Variants in EPHA3 observed in about 807,000 individuals in gnomAD.
The protein encoded by EPHA3 is ephrin type-A receptor 3.
A neutral mutation model predicts 107.1 loss-of-function variants in EPHA3; 42 were observed. That is an observed-to-expected ratio of 0.39 (90% CI 0.31 to 0.51). The LOEUF (loss-of-function observed/expected upper bound fraction) is 0.51, where lower values mean the gene tolerates loss of function less well. EPHA3 is among the 20% of genes least tolerant of loss of function. The probability of loss-of-function intolerance (pLI) is 0.78; values close to 1 mark genes in which losing one functional copy is unlikely to be tolerated. For synonymous variants in EPHA3, 461 were observed against 424.8 expected (o/e 1.09, Z -1.05); for missense variants, 1,183 against 1,211.2 (o/e 0.98, Z 0.35).
intron 3 of EPHA3, among the ~76,000 whole-genome samples, chr3:89,251,492 A>T (rs1345635060): frequency 6.6e-6 from 1 of 152,086 alleles, no homozygotes; most frequent in African/African-American, 2.4e-5. Flanking sequence ...TATGTGTTAG[A>T]TATGTTTTGC....
chr3:89,282,483 C>CT (rs898862414), intron 3 of EPHA3, among the ~76,000 whole-genome samples: 15 of 151,694 alleles, frequency 9.9e-5, no homozygotes, highest in Admixed American at 7.2e-4. Flanking sequence ...CTTTTCCCAC[C>CT]TTTTTTTTGT....
chr3:89,379,224 G>C (rs1708456253), intron 5 of EPHA3, among the ~76,000 whole-genome samples: 1 of 152,154 alleles, frequency 6.6e-6, no homozygotes, highest in African/African-American at 2.4e-5. Context: ...GGCAGAGAAA[G>C]AGTAAATTTG....
intron 2 of EPHA3, among the ~76,000 whole-genome samples, chr3:89,139,235 G>A (rs1704376429): frequency 6.6e-6 from 1 of 151,908 alleles, no homozygotes; most frequent in East Asian, 1.9e-4. Context: ...ATTTTGGATG[G>A]TCTATACTTG....
chr3:89,290,763 G>A (rs374680054), intron 3 of EPHA3, among the ~76,000 whole-genome samples: 3 of 152,084 alleles, frequency 2.0e-5, no homozygotes, highest in East Asian at 1.9e-4. Context: ...GGCACATAAA[G>A]TTCAGTTAAA....
chr3:89,246,277 G>T (rs1274681081), intron 3 of EPHA3, among the ~76,000 whole-genome samples: 2 of 152,120 alleles, frequency 1.3e-5, no homozygotes, highest in Admixed American at 1.3e-4. Context: ...AGAATTTAGT[G>T]TTTTAGGCAC....
At chr3:89,476,341 G>C (rs921966010) in intron 16 of EPHA3, among the ~76,000 whole-genome samples, 4 of 148,100 alleles carry the variant, frequency 2.7e-5, no homozygotes, top group Admixed American at 6.8e-5. Context: ...AAGTGATGAG[G>C]AATGTCTCAA....
chr3:89,277,841 C>G (rs872976), intron 3 of EPHA3, among the ~76,000 whole-genome samples: 3 of 151,858 alleles, frequency 2.0e-5, no homozygotes, highest in Non-Finnish European at 4.4e-5. Context: ...CTGTTTTCTC[C>G]TTTTTAAACA....
At chr3:89,286,427 G>A (rs1706085101) in intron 3 of EPHA3, among the ~76,000 whole-genome samples, 1 of 152,018 alleles carries the variant, frequency 6.6e-6, no homozygotes, top group Non-Finnish European at 1.5e-5. Context: ...GAATTAAACG[G>A]TACATTGGCA....
At chr3:89,466,421 TC>T (rs1250922770) in intron 15 of EPHA3, among the ~76,000 whole-genome samples, 3 of 116,058 alleles carry the variant, frequency 2.6e-5, no homozygotes, top group Admixed American at 8.4e-5. Context: ...CGGGCGCCCC[TC>T]CCCCAGCCTC....
intron 3 of EPHA3, among the ~76,000 whole-genome samples, chr3:89,284,042 A>C (rs1706013416): frequency 6.6e-6 from 1 of 152,130 alleles, no homozygotes; most frequent in South Asian, 2.1e-4. Flanking sequence ...TTTATTAATA[A>C]AATTTACTTT....
At position 89,350,849 on chromosome 3, in the gene EPHA3, G is replaced by A. The variant is rs541861369; in HGVS notation, c.1306+8759G>A. Among the ~76,000 whole-genome samples, 142 of 151,288 alleles carry A rather than the reference G, an allele frequency of 9.4e-4. 5 individuals are homozygous for A. Among genetic ancestry groups the A allele is most frequent in the Non-Finnish European group, 6.7e-4 (45 of 67,554 alleles). The stretch of plus-strand genomic sequence containing the variant: ...TTCCTTCTAACAGACAGGACCCTCA[G>A]CTGCAGGTCTGTTGGAATACCCTGC... On this transcript the variant is annotated intron_variant, in intron 5 of 16. Transcript: ENST00000336596.
intron 9 of EPHA3, among the ~76,000 whole-genome samples, chr3:89,412,391 C>T (rs1709171992): frequency 6.6e-6 from 1 of 151,472 alleles, no homozygotes; most frequent in Non-Finnish European, 1.5e-5. Context: ...ACGTTTGGAA[C>T]TTAGCTCCTT....
At chr3:89,369,844 A>G (rs1245797752) in intron 5 of EPHA3, among the ~76,000 whole-genome samples, 8 of 150,670 alleles carry the variant, frequency 5.3e-5, no homozygotes, top group Admixed American at 2.0e-4. Context: ...AAAGTGGGAA[A>G]AGGACATGAA....
intron 3 of EPHA3, among the ~76,000 whole-genome samples, chr3:89,236,318 A>G (rs1704759968): frequency 6.6e-6 from 1 of 152,032 alleles, no homozygotes; most frequent in South Asian, 2.1e-4. Flanking sequence ...AAATAATACA[A>G]ATATTATTAA....
chr3:89,246,330 A>T (rs9877953), intron 3 of EPHA3, among the ~76,000 whole-genome samples: 77,254 of 152,060 alleles, frequency 0.51, 20,844 homozygotes, highest in African/African-American at 0.7. Flanking sequence ...ATAAATAAAC[A>T]CTTAGAAATC....
At chr3:89,419,814 C>T (rs1195267084) in intron 11 of EPHA3, among the ~76,000 whole-genome samples, 2 of 151,372 alleles carry the variant, frequency 1.3e-5, no homozygotes, top group African/African-American at 4.8e-5. Flanking sequence ...CCTCCCACCC[C>T]CTGCATCCCT....
chr3:89,248,686 C>A (rs1705094326), intron 3 of EPHA3, among the ~76,000 whole-genome samples: 1 of 152,148 alleles, frequency 6.6e-6, no homozygotes, highest in South Asian at 2.1e-4. Flanking sequence ...ATAATCCCTG[C>A]AGCTTCATCA....
intron 2 of EPHA3, among the ~76,000 whole-genome samples, chr3:89,135,790 C>T (rs536154681): frequency 7.1e-4 from 107 of 150,752 alleles, no homozygotes; most frequent in Non-Finnish European, 1.3e-3. Context: ...AAGATAGCTT[C>T]ATATTGAAAA....
intron 2 of EPHA3, among the ~76,000 whole-genome samples, chr3:89,147,079 A>T (rs975272683): frequency 9.9e-5 from 15 of 151,950 alleles, no homozygotes; most frequent in Non-Finnish European, 1.5e-4. Context: ...GCAAACTAAC[A>T]CAGGAACAAA....
Sources: gnomAD v4.1 joint callset for allele counts (sites outside exome capture counted in the v4.1 genomes callset) on GRCh38, gnomAD v4.1.1 for gene constraint, MANE v1.5 for transcripts, NCBI Gene and HGNC (gene_info 2026-07-23, HGNC 2026-07-21) for gene names.